Variants in DACH2 observed in about 807,000 individuals in gnomAD.
DACH2 encodes the protein dachshund homolog 2.
In DACH2, 17 loss-of-function variants were observed where a neutral mutation model predicts 35.8. That is an observed-to-expected ratio of 0.48 (90% confidence interval 0.33 to 0.71). DACH2 has a LOEUF of 0.71. Ranked by LOEUF, DACH2 falls within the 30% of genes least tolerant of loss-of-function variation. The pLI is 0.02. For synonymous variants in DACH2, 195 were observed against 177.3 expected, an observed-to-expected ratio of 1.10 and a Z score of -0.79; for missense variants, 469 against 472.7, an observed-to-expected ratio of 0.99 and a Z score of 0.07.
chrX:86,221,198 C>G (rs1280540947), intron 1 of DACH2, among the ~76,000 whole-genome samples: 1 of 111,344 alleles, frequency 9.0e-6, no homozygotes, highest in Non-Finnish European at 1.9e-5. Context: ...TTTAAATCTT[C>G]TGTTTAAGTA....
intron 2 of DACH2, among the ~76,000 whole-genome samples, chrX:86,458,883 A>G (rs2037520064): frequency 9.1e-6 from 1 of 110,450 alleles, no homozygotes; most frequent in Non-Finnish European, 1.9e-5. Flanking sequence ...GGTGGAGGCT[A>G]GGGGAGGGAT....
chrX:86,529,574 G>A (rs767364853), intron 3 of DACH2, among the ~76,000 whole-genome samples: 6 of 108,455 alleles, frequency 5.5e-5, no homozygotes, highest in South Asian at 4.2e-4. Context: ...CCAGGTTCAC[G>A]CCATTCTCCT....
intron 1 of DACH2, among the ~76,000 whole-genome samples, chrX:86,314,545 G>A (rs951673797): frequency 1.8e-5 from 2 of 111,334 alleles, no homozygotes; most frequent in African/African-American, 6.5e-5. Context: ...AAATGATTAA[G>A]CTTAGTGAAG....
chrX:86,749,107 A>G (rs1332399979), intron 7 of DACH2, among the ~76,000 whole-genome samples: 1 of 112,137 alleles, frequency 8.9e-6, no homozygotes, highest in Non-Finnish European at 1.9e-5. Flanking sequence ...TAGGATTTGA[A>G]TTAAAGAAAT....
chrX:86,532,278 G>A (rs1192318791), intron 3 of DACH2, among the ~76,000 whole-genome samples: 1 of 111,691 alleles, frequency 9.0e-6, no homozygotes, highest in Non-Finnish European at 1.9e-5. Flanking sequence ...AGTGTGAAAA[G>A]GGCATGAGAT....
chrX:86,446,288 C>CT (rs753958102), intron 2 of DACH2, among the ~76,000 whole-genome samples: 2,789 of 78,012 alleles, frequency 0.036, 130 homozygotes, highest in African/African-American at 0.12. Context: ...AGTCTTGTTT[C>CT]TTTTTTTTTT....
intron 2 of DACH2, among the ~76,000 whole-genome samples, chrX:86,425,276 T>C (rs1006374578): frequency 2.7e-5 from 3 of 110,757 alleles, no homozygotes; most frequent in Admixed American, 1.9e-4. Flanking sequence ...TATAAATGTT[T>C]GGTAGAATTC....
intron 3 of DACH2, among the ~76,000 whole-genome samples, chrX:86,520,857 T>C (rs1040287465): frequency 3.6e-5 from 4 of 111,598 alleles, no homozygotes; most frequent in Non-Finnish European, 7.5e-5. Context: ...TTATCCATCT[T>C]GCCACTATGT....
chrX:86,667,472 A>G (rs1223840575), intron 4 of DACH2, among the ~76,000 whole-genome samples: 7 of 101,718 alleles, frequency 6.9e-5, no homozygotes, highest in African/African-American at 2.5e-4. Flanking sequence ...TGAATGAAAG[A>G]AAGAAAGAAG....
At chrX:86,670,357 T>C (rs1488115637) in intron 4 of DACH2, among the ~76,000 whole-genome samples, 1 of 112,048 alleles carries the variant, frequency 8.9e-6, no homozygotes, top group East Asian at 2.8e-4. Flanking sequence ...TTGTAGGACA[T>C]ACTGTTATTC....
intron 1 of DACH2, among the ~76,000 whole-genome samples, chrX:86,219,993 C>G (rs2032665391): frequency 2.0e-5 from 1 of 49,507 alleles, no homozygotes; most frequent in Non-Finnish European, 3.4e-5. Flanking sequence ...CCCATCTCTA[C>G]TAAAAATACA....
intron 1 of DACH2, among the ~76,000 whole-genome samples, chrX:86,324,029 A>G (rs760265038): frequency 5.4e-5 from 6 of 112,009 alleles, no homozygotes; most frequent in Non-Finnish European, 1.1e-4. Flanking sequence ...CGAGCCCCCA[A>G]AATGAAGCAG....
In DACH2 at chrX:86,157,716, G is replaced by C. The variant is rs752438297; in HGVS notation, c.488+8608G>C. On this transcript the variant is annotated intron_variant, in intron 1 of 11. Coordinates refer to ENST00000373125, the MANE Select transcript of DACH2 (RefSeq NM_053281.3). ...GTTTCTGAGCTTTCAGTTATTTTGA[G>C]AGAAGTCTATCTCTCATGTTTGTCT... Among the ~76,000 whole-genome samples, 266 of 111,253 alleles carry C rather than the reference G, an allele frequency of 2.4e-3. 1 individual carries two copies. The highest frequency in any genetic ancestry group is 4.8e-3 in the Middle Eastern group (1 of 208).
chrX:86,669,538 T>A (rs1356566373), intron 4 of DACH2, among the ~76,000 whole-genome samples: 1 of 111,409 alleles, frequency 9.0e-6, no homozygotes, highest in Non-Finnish European at 1.9e-5. Flanking sequence ...GTAGAGCGAG[T>A]AGTGTCATGA....
chrX:86,821,886 C>T (rs905227157), intron 11 of DACH2, among the ~76,000 whole-genome samples: 1 of 111,653 alleles, frequency 9.0e-6, no homozygotes, highest in African/African-American at 3.3e-5. Context: ...GACTTGCCAG[C>T]CATGATAAGT....
chrX:86,342,833 G>A (rs986683457), intron 1 of DACH2, among the ~76,000 whole-genome samples: 2 of 110,177 alleles, frequency 1.8e-5, no homozygotes, highest in African/African-American at 6.6e-5. Flanking sequence ...TAATTAAAAA[G>A]AGATTGCCAC....
chrX:86,219,076 C>T (rs5968831), intron 1 of DACH2, among the ~76,000 whole-genome samples: 8,493 of 111,407 alleles, frequency 0.076, 804 homozygotes, highest in African/African-American at 0.26. Context: ...ACTATGACTA[C>T]TAAATGTTAG....
At chrX:86,155,661 C>T (rs1409678120) in intron 1 of DACH2, among the ~76,000 whole-genome samples, 1 of 111,117 alleles carries the variant, frequency 9.0e-6, no homozygotes, top group African/African-American at 3.2e-5. Context: ...TTTGAAAATG[C>T]AAATTTTAAA....
At chrX:86,740,297 G>A (rs1051007827) in intron 7 of DACH2, among the ~76,000 whole-genome samples, 4 of 110,524 alleles carry the variant, frequency 3.6e-5, no homozygotes, top group African/African-American at 1.3e-4. Flanking sequence ...CAACAACTTA[G>A]ATCACAAATA....
Sources: allele counts gnomAD v4.1 joint callset (sites outside exome capture counted in the v4.1 genomes callset), GRCh38; gene constraint gnomAD v4.1.1; transcripts MANE v1.5; gene names NCBI Gene and HGNC (gene_info 2026-07-23, HGNC 2026-07-21).